The following GPATCH1 variants were observed in gnomAD, a reference collection of about 807,000 sequenced individuals.
The protein encoded by GPATCH1 is G-patch domain containing 1.
In GPATCH1, 73 loss-of-function variants were observed where a neutral mutation model predicts 114.9. The ratio of observed to expected loss-of-function variants is 0.64; its 90% confidence interval spans 0.53 to 0.77. The LOEUF (loss-of-function observed/expected upper bound fraction) is 0.77. Ranked by LOEUF, GPATCH1 falls within the 30% of genes least tolerant of loss-of-function variation. The pLI, the probability that GPATCH1 is intolerant of heterozygous loss-of-function variation, is 0.00. For synonymous variants in GPATCH1, 391 were observed against 428.4 expected (o/e 0.91, Z 1.08); for missense variants, 1,058 against 1,144.3 (o/e 0.92, Z 1.09).
Position 33,093,474 on chromosome 19 carries a change from C to G in GPATCH1, c.410C>G (p.Pro137Arg), listed in dbSNP as rs1315142991. Residue 137 changes from proline (P) to arginine (R), a missense_variant, in exon 4 of 20, where the codon CCT becomes CGT. Coordinates refer to ENST00000170564, the MANE Select transcript of GPATCH1 (RefSeq NM_018025.3). Reference protein sequence around the residue: ...KARQLAAATAPIPGATLLDDL... With the variant: ...KARQLAAATARIPGATLLDDL... The stretch of plus-strand genomic sequence containing the variant: ...AGGCAGTTGGCCGCTGCTACTGCCC[C>G]TATTCCTGGAGCCACCCTCCTTGAT... 5 of 1,613,832 alleles carry G rather than the reference C, an allele frequency of 3.1e-6. No homozygotes were observed. The African/African-American group carries it at 5.3e-5, about 17-fold the overall frequency.
intron 7 of GPATCH1, among the ~76,000 whole-genome samples, chr19:33,097,016 GC>G (rs1972669059): frequency 6.6e-6 from 1 of 151,172 alleles, no homozygotes; most frequent in African/African-American, 2.4e-5. Flanking sequence ...CGCGATCTCG[GC>G]TCACCGCAAC....
chr19:33,112,579 T>G lies in GPATCH1; in HGVS notation c.1858T>G (p.Cys620Gly), dbSNP rs202093563. Reference protein sequence around the residue: ...TFEWHPDKLLCKRFNVPDPYP... With the variant: ...TFEWHPDKLLGKRFNVPDPYP... ...TGAGTGGCACCCTGACAAGCTTCTATGTAAGAGATTTAATGTCCCTGACCC... is the reference window on the plus strand; with the variant it reads ...TGAGTGGCACCCTGACAAGCTTCTAGGTAAGAGATTTAATGTCCCTGACCC... Residue 620 changes from cysteine (C) to glycine (G), a missense_variant, in exon 13 of 20, where the codon TGT becomes GGT. This residue lies in a region of GPATCH1 where 893 missense variants were observed against 977.4 expected (regional missense o/e 0.91). Transcript: ENST00000170564. 6.2e-7 allele frequency: 1 copy of G among 1,613,918 alleles called. No individual in the cohort carries two copies. The highest frequency in any genetic ancestry group is 8.5e-7 in the Non-Finnish European group (1 of 1,179,834).
intron 5 of GPATCH1, among the ~76,000 whole-genome samples, chr19:33,094,633 G>C (rs977915809): frequency 2.0e-5 from 3 of 152,186 alleles, no homozygotes; most frequent in Non-Finnish European, 4.4e-5. Flanking sequence ...CTTCCAGAAA[G>C]GCTGTGCTAG....
At chr19:33,129,981 C>G in intron 19 of GPATCH1, 149 bp from the exon 20 acceptor site, 2 of 576,472 alleles carry the variant, frequency 3.5e-6, no homozygotes, top group East Asian at 6.0e-5. Context: ...TTAGGCAGTA[C>G]TTCATTGTGG....
intron 3 of GPATCH1, among the ~76,000 whole-genome samples, chr19:33,091,067 A>G (rs1362354711): frequency 2.0e-5 from 3 of 152,106 alleles, no homozygotes; most frequent in Non-Finnish European, 2.9e-5. Flanking sequence ...ACTGGGGCCA[A>G]TTTCTAAAAT....
intron 1 of GPATCH1, among the ~76,000 whole-genome samples, chr19:33,081,802 A>G (rs2145294400): frequency 6.6e-6 from 1 of 152,160 alleles, no homozygotes; most frequent in East Asian, 1.9e-4. Context: ...TGGTAGGGTA[A>G]AGAGTTTGGA....
intron 10 of GPATCH1, among the ~76,000 whole-genome samples, chr19:33,107,685 A>G (rs1444341367): frequency 6.6e-6 from 1 of 152,102 alleles, no homozygotes; most frequent in Non-Finnish European, 1.5e-5. Flanking sequence ...GGAACTCAAT[A>G]GGTGTCTCGT....
intron 10 of GPATCH1, among the ~76,000 whole-genome samples, 190 bp downstream of exon 10, chr19:33,107,089 AT>A (rs1272579325): frequency 1.3e-5 from 2 of 152,058 alleles, no homozygotes; most frequent in East Asian, 3.9e-4. Context: ...TTTAAGTTTT[AT>A]TTTTAAACTT....
rs1176722835 is a variant in GPATCH1, at chr19:33,081,278, G to C, written c.73+12G>C. 7 of 1,549,038 alleles carry C rather than the reference G, an allele frequency of 4.5e-6. No individual in the cohort carries two copies. Among genetic ancestry groups the C allele is most frequent in the Non-Finnish European group, 6.1e-6 (7 of 1,144,718 alleles). On this transcript the variant is annotated intron_variant, in intron 1 of 19. Transcript: ENST00000170564. ...GCCTCTGGAAGAAGGTGCGGGCCGCGTGGGCCGGCGGAGCCTGTGGAAAAC... is the reference window on the plus strand; with the variant it reads ...GCCTCTGGAAGAAGGTGCGGGCCGCCTGGGCCGGCGGAGCCTGTGGAAAAC...
chr19:33,118,172 T>A, intron 16 of GPATCH1, 131 bp downstream of exon 16: 1 of 460,376 alleles, frequency 2.2e-6, no homozygotes, highest in Non-Finnish European at 3.6e-6. Flanking sequence ...TTTATATGTA[T>A]ATAATTTTTT....
intron 17 of GPATCH1, among the ~76,000 whole-genome samples, chr19:33,120,103 AT>A (rs1261887232): frequency 7.1e-6 from 1 of 140,036 alleles, no homozygotes; most frequent in Non-Finnish European, 1.5e-5. Context: ...AAATAAATAT[AT>A]TTTAACTTAA....
At chr19:33,121,261 G>A (rs932807923) in intron 17 of GPATCH1, among the ~76,000 whole-genome samples, 9 of 150,650 alleles carry the variant, frequency 6.0e-5, no homozygotes, top group Non-Finnish European at 1.0e-4. Context: ...AATTACAAGC[G>A]TGAACCACTG....
chr19:33,096,771 G>A (rs1337437689), intron 7 of GPATCH1, among the ~76,000 whole-genome samples: 3 of 151,824 alleles, frequency 2.0e-5, no homozygotes, highest in Non-Finnish European at 2.9e-5. Context: ...TGGGATTATA[G>A]GCATGTGCCA....
At chr19:33,094,112 T>C in intron 4 of GPATCH1, 60 bp from the exon 5 acceptor site, 2 of 941,754 alleles carry the variant, frequency 2.1e-6, no homozygotes, top group South Asian at 2.6e-5. Flanking sequence ...AAGCCGCTTA[T>C]TTCATATTCT....
Position 33,121,458 on chromosome 19 carries a change from T to C in GPATCH1, c.2521+2341T>C, listed in dbSNP as rs533758348. ...CCTCACCCTCCCAAGTAGCTGGGAT[T>C]ACAGGCATGTGCCACCATGGCTGGC... On this transcript the variant is annotated intron_variant, in intron 17 of 19. Transcript: ENST00000170564. 2.6e-5 allele frequency among the ~76,000 whole-genome samples: 4 copies of C among 152,136 alleles called. No individual in the cohort carries two copies. The South Asian group carries it at 6.2e-4, about 24-fold the overall frequency.
At position 33,130,363 on chromosome 19, in the gene GPATCH1, A is replaced by G. The variant is rs903779878; in HGVS notation, c.*203A>G. 9 of 435,740 alleles carry G rather than the reference A, an allele frequency of 2.1e-5. No homozygotes were observed. The highest frequency in any genetic ancestry group is 8.4e-5 in the Admixed American group (2 of 23,692). The allele number at this position is 435,740 out of a possible 1,614,324, so 27.0% of individuals were successfully genotyped here. ...TTTTAATTTCAGTTAGTATCGGGGG[A>G]AAAAAATCCAGACTGAACAGTTTAA... On this transcript the variant is annotated 3_prime_UTR_variant, in exon 20 of 20. Transcript: ENST00000170564.
chr19:33,127,690 C>T (rs1035315327), intron 19 of GPATCH1, among the ~76,000 whole-genome samples: 5 of 152,062 alleles, frequency 3.3e-5, no homozygotes, highest in Non-Finnish European at 5.9e-5. Flanking sequence ...TACACACTCA[C>T]GTACATGGAT....
At chr19:33,117,672 G>A (rs1406759368) in intron 15 of GPATCH1, among the ~76,000 whole-genome samples, 153 bp from the exon 16 acceptor site, 1 of 152,160 alleles carries the variant, frequency 6.6e-6, no homozygotes, top group Non-Finnish European at 1.5e-5. Flanking sequence ...AGCTATGTGA[G>A]TGATCACTGT....
intron 9 of GPATCH1, among the ~76,000 whole-genome samples, chr19:33,104,101 G>A (rs1355393866): frequency 2.6e-5 from 4 of 151,870 alleles, no homozygotes; most frequent in African/African-American, 9.7e-5. Context: ...AGGCCAATGC[G>A]GGCAGATCGC....
Sources: allele counts gnomAD v4.1 joint callset (sites outside exome capture counted in the v4.1 genomes callset), GRCh38; gene constraint gnomAD v4.1.1; regional missense constraint gnomAD v4.1.1; transcripts MANE v1.5; gene names NCBI Gene and HGNC (gene_info 2026-07-23, HGNC 2026-07-21).